Variants in ARB2A observed in about 807,000 individuals in gnomAD.
ARB2A encodes cotranscriptional regulator ARB2A.
chr5:94,072,460 G>A, the ARB2A span, among the ~76,000 whole-genome samples: 1 of 152,016 alleles, frequency 6.6e-6, no homozygotes, highest in Non-Finnish European at 1.5e-5. Flanking sequence ...TGGTTTTGAT[G>A]TACTATTAGC....
chr5:93,837,799 T>C, the ARB2A span, among the ~76,000 whole-genome samples: 3 of 152,136 alleles, frequency 2.0e-5, no homozygotes, highest in African/African-American at 7.2e-5. Context: ...GTTGGCCACA[T>C]GTATGGCTTC....
chr5:93,627,438 G>GTTTGTTTTTT, the ARB2A span, among the ~76,000 whole-genome samples: 1 of 108,090 alleles, frequency 9.3e-6, no homozygotes, highest in African/African-American at 4.0e-5. Flanking sequence ...TACAAAATGT[G>GTTTGTTTTTT]TTTTGTTTTT....
the ARB2A span, among the ~76,000 whole-genome samples, chr5:93,885,268 T>A: frequency 6.6e-6 from 1 of 151,568 alleles, no homozygotes; most frequent in Non-Finnish European, 1.5e-5. Flanking sequence ...AGGCATCAAG[T>A]ATAATATCTT....
At chr5:93,888,060 T>C in the ARB2A span, among the ~76,000 whole-genome samples, 1 of 151,878 alleles carries the variant, frequency 6.6e-6, no homozygotes, top group African/African-American at 2.4e-5. Flanking sequence ...CTATTTATTT[T>C]AAAACATGTG....
chr5:94,047,637 A>G, the ARB2A span, among the ~76,000 whole-genome samples: 8 of 152,360 alleles, frequency 5.3e-5, no homozygotes, highest in South Asian at 1.7e-3. Flanking sequence ...AATAACCATC[A>G]AAGTAAAAAC....
At chr5:94,026,200 C>A in the ARB2A span, among the ~76,000 whole-genome samples, 1 of 152,060 alleles carries the variant, frequency 6.6e-6, no homozygotes, top group South Asian at 2.1e-4. Flanking sequence ...AATTAACAGC[C>A]CTGTCAGCCC....
the ARB2A span, among the ~76,000 whole-genome samples, chr5:94,068,376 T>C: frequency 3.3e-5 from 5 of 152,198 alleles, no homozygotes; most frequent in African/African-American, 1.2e-4. Context: ...TGGAAGTCAG[T>C]GGCAGGTCTG....
chr5:93,964,678 T>A, the ARB2A span, among the ~76,000 whole-genome samples: 1 of 152,018 alleles, frequency 6.6e-6, no homozygotes, highest in Non-Finnish European at 1.5e-5. Context: ...TAATTACCCA[T>A]AATGGTTTAC....
the ARB2A span, among the ~76,000 whole-genome samples, chr5:93,885,408 T>C: frequency 6.6e-6 from 1 of 151,612 alleles, no homozygotes; most frequent in Non-Finnish European, 1.5e-5. Flanking sequence ...TCTTATACGA[T>C]AAAAAGTTAG....
At chr5:94,105,024 C>G in the ARB2A span, among the ~76,000 whole-genome samples, 1 of 151,850 alleles carries the variant, frequency 6.6e-6, no homozygotes, top group Non-Finnish European at 1.5e-5. Context: ...ATGACAAATC[C>G]ACAGCAAACA....
chr5:93,743,469 G>T, the ARB2A span: 2 of 874,670 alleles, frequency 2.3e-6, no homozygotes, highest in Non-Finnish European at 2.7e-6. Context: ...ATAAAAAACA[G>T]CTTGCAATAT....
the ARB2A span, among the ~76,000 whole-genome samples, chr5:94,017,749 A>C: frequency 2.6e-5 from 4 of 152,212 alleles, no homozygotes; most frequent in Non-Finnish European, 5.9e-5. Flanking sequence ...TTCTCTGTAC[A>C]GTAGTCCCAC....
the ARB2A span, among the ~76,000 whole-genome samples, chr5:93,891,230 C>A: frequency 1.3e-5 from 2 of 152,070 alleles, no homozygotes; most frequent in Non-Finnish European, 2.9e-5. Flanking sequence ...TGAGCCCATT[C>A]TAAGAAAATC....
At chr5:93,884,578 G>A in the ARB2A span, among the ~76,000 whole-genome samples, 1 of 151,392 alleles carries the variant, frequency 6.6e-6, no homozygotes, top group African/African-American at 2.4e-5. Flanking sequence ...TTTCAACAAT[G>A]GATGCTTCTA....
chr5:93,995,016 AT>A, the ARB2A span, among the ~76,000 whole-genome samples: 4 of 152,190 alleles, frequency 2.6e-5, no homozygotes, highest in African/African-American at 7.2e-5. Flanking sequence ...TACAAAAAAA[AT>A]CTATTATAGA....
chr5:94,061,617 AAC>A, the ARB2A span, among the ~76,000 whole-genome samples: 1 of 152,248 alleles, frequency 6.6e-6, no homozygotes, highest in Non-Finnish European at 1.5e-5. Flanking sequence ...ATATAATATC[AAC>A]ACACAAAACT....
At chr5:93,884,818 A>G in the ARB2A span, among the ~76,000 whole-genome samples, 2 of 151,630 alleles carry the variant, frequency 1.3e-5, no homozygotes, top group Non-Finnish European at 3.0e-5. Flanking sequence ...CACAGAGATC[A>G]TTCATAACCA....
At chr5:94,054,511 T>C in the ARB2A span, among the ~76,000 whole-genome samples, 1 of 152,148 alleles carries the variant, frequency 6.6e-6, no homozygotes, top group African/African-American at 2.4e-5. Flanking sequence ...CAACTGCCAT[T>C]CTCAACAGAT....
At chr5:93,877,667 A>C in the ARB2A span, among the ~76,000 whole-genome samples, 1 of 152,188 alleles carries the variant, frequency 6.6e-6, no homozygotes, top group Non-Finnish European at 1.5e-5. Context: ...ATATCAAGAC[A>C]GTACCTGGTA....
Sources: gnomAD v4.1 joint callset for allele counts (sites outside exome capture counted in the v4.1 genomes callset) on GRCh38, gnomAD v4.1.1 for gene constraint, MANE v1.5 for transcripts, NCBI Gene and HGNC (gene_info 2026-07-23, HGNC 2026-07-21) for gene names.